The following CBLB variants were observed in gnomAD, a reference collection of about 807,000 sequenced individuals.
The protein encoded by CBLB is E3 ubiquitin-protein ligase CBL-B.
CBLB carries 31 observed loss-of-function variants against 104.9 expected under a neutral mutation model. The ratio of observed to expected loss-of-function variants is 0.30; its 90% CI spans 0.22 to 0.40. The LOEUF is 0.40. Ranked by LOEUF, CBLB falls within the 10% of genes least tolerant of loss-of-function variation. CBLB has a pLI of 1.00. For synonymous variants in CBLB, 440 were observed against 422.6 expected (o/e 1.04, Z -0.51); for missense variants, 1,062 against 1,214.6 (o/e 0.87, Z 1.87).
intron 3 of CBLB, among the ~76,000 whole-genome samples, chr3:105,817,103 G>A (rs759313544): frequency 2.2e-4 from 34 of 152,150 alleles, no homozygotes; most frequent in Non-Finnish European, 3.4e-4. Flanking sequence ...AGACAAGTCC[G>A]TAGTAGTGAG....
intron 3 of CBLB, among the ~76,000 whole-genome samples, chr3:105,821,453 A>G (rs955009423): frequency 3.3e-5 from 5 of 152,166 alleles, no homozygotes; most frequent in Non-Finnish European, 7.3e-5. Flanking sequence ...AGCCCATCAC[A>G]CAAACCAGTC....
intron 2 of CBLB, among the ~76,000 whole-genome samples, chr3:105,855,419 G>A (rs745370070): frequency 5.9e-5 from 9 of 152,184 alleles, no homozygotes; most frequent in Non-Finnish European, 1.3e-4. Context: ...TCTTACCACA[G>A]AAAGGTAATT....
At chr3:105,680,816 CT>C (rs1380398692) in intron 16 of CBLB, among the ~76,000 whole-genome samples, 1 of 152,132 alleles carries the variant, frequency 6.6e-6, no homozygotes, top group Admixed American at 6.5e-5. Flanking sequence ...GACATTCTGT[CT>C]TCTAAAAACA....
intron 4 of CBLB, among the ~76,000 whole-genome samples, chr3:105,770,397 A>C (rs1014381363): frequency 6.6e-6 from 1 of 152,206 alleles, no homozygotes; most frequent in African/African-American, 2.4e-5. Flanking sequence ...TAGCTGGAAC[A>C]GATTTAGGGA....
intron 13 of CBLB, 145 bp from the exon 14 acceptor site, chr3:105,685,611 A>G: frequency 1.4e-6 from 1 of 709,946 alleles, no homozygotes; most frequent in Non-Finnish European, 2.5e-6. Context: ...AGCTGTTCTT[A>G]TATCAAATAC....
At chr3:105,726,994 A>T (rs1487437565) in intron 9 of CBLB, among the ~76,000 whole-genome samples, 1 of 152,216 alleles carries the variant, frequency 6.6e-6, no homozygotes, top group African/African-American at 2.4e-5. Context: ...GCTCTTGTGA[A>T]CAGTGCTACA....
chr3:105,796,598 A>C (rs868685584), intron 3 of CBLB, among the ~76,000 whole-genome samples: 1 of 152,210 alleles, frequency 6.6e-6, no homozygotes, highest in Non-Finnish European at 1.5e-5. Flanking sequence ...AATGGGACTT[A>C]ATTAAAGAGC....
chr3:105,703,006 C>A (rs1400792658), intron 11 of CBLB, among the ~76,000 whole-genome samples: 1 of 152,110 alleles, frequency 6.6e-6, no homozygotes. Flanking sequence ...TAAAAGATCA[C>A]AAGTAACAGA....
At chr3:105,826,426 C>T (rs924570365) in intron 3 of CBLB, among the ~76,000 whole-genome samples, 5 of 152,196 alleles carry the variant, frequency 3.3e-5, no homozygotes, top group East Asian at 3.8e-4. Context: ...TCTTACTCCA[C>T]TCTCCAGTCT....
intron 13 of CBLB, among the ~76,000 whole-genome samples, chr3:105,687,829 G>A: frequency 6.6e-6 from 1 of 150,384 alleles, no homozygotes; most frequent in Non-Finnish European, 1.5e-5. Context: ...AAAAAAAACT[G>A]GTTTCTATCA....
At chr3:105,848,583 G>A in intron 3 of CBLB, among the ~76,000 whole-genome samples, 1 of 152,134 alleles carries the variant, frequency 6.6e-6, no homozygotes, top group Non-Finnish European at 1.5e-5. Context: ...CCCCTTAAAT[G>A]TATAACAATC....
At chr3:105,800,233 A>G (rs1355853804) in intron 3 of CBLB, among the ~76,000 whole-genome samples, 1 of 152,186 alleles carries the variant, frequency 6.6e-6, no homozygotes. Flanking sequence ...TGTGCAGACC[A>G]GTATCCCAGA....
chr3:105,847,832 A>G (rs58340800), intron 3 of CBLB, among the ~76,000 whole-genome samples: 32,625 of 152,070 alleles, frequency 0.21, 3,695 homozygotes, highest in East Asian at 0.42. Context: ...TGGTTAACTG[A>G]TGAAACTGCC....
chr3:105,743,386 G>A (rs2075794850), intron 6 of CBLB, among the ~76,000 whole-genome samples: 1 of 151,672 alleles, frequency 6.6e-6, no homozygotes, highest in African/African-American at 2.4e-5. Context: ...TTTGAACCCA[G>A]GAGGTGGAGC....
At position 105,793,447 on chromosome 3, in the gene CBLB, G is replaced by C. The variant is rs186050986; in HGVS notation, c.420-16905C>G. On this transcript the variant is annotated intron_variant, in intron 3 of 18. Transcript: ENST00000394030. ...GAAGGTGTTCCTTCCATAAACCTCT[G>C]GTTTCCAGATGCTTTAAGAGATGCT... Among the ~76,000 whole-genome samples, 3 of 145,086 alleles carry C rather than the reference G, an allele frequency of 2.1e-5. No homozygotes were observed. The East Asian group carries it at 6.2e-4, about 30-fold the overall frequency.
intron 3 of CBLB, among the ~76,000 whole-genome samples, chr3:105,794,586 A>G (rs572497592): frequency 1.1e-4 from 17 of 152,190 alleles, no homozygotes; most frequent in Non-Finnish European, 2.1e-4. Flanking sequence ...CAATGTCACA[A>G]ACCAACTAGG....
chr3:105,672,654 A>G (rs557344387), intron 17 of CBLB: 1 of 152,572 alleles, frequency 6.6e-6, no homozygotes, highest in East Asian at 1.9e-4. Context: ...TATCACTTAT[A>G]TAAGTGTTTG....
chr3:105,705,232 T>G (rs773482427), intron 10 of CBLB, among the ~76,000 whole-genome samples: 90 of 152,252 alleles, frequency 5.9e-4, no homozygotes, highest in Non-Finnish European at 1.2e-3. Context: ...CAATTTAATA[T>G]GAACTCAGCA....
intron 2 of CBLB, among the ~76,000 whole-genome samples, chr3:105,855,961 C>T (rs2091549739): frequency 6.6e-6 from 1 of 152,094 alleles, no homozygotes; most frequent in Admixed American, 6.6e-5. Flanking sequence ...GACAAATAAA[C>T]AATCGAACTA....
Sources: allele counts gnomAD v4.1 joint callset (sites outside exome capture counted in the v4.1 genomes callset), GRCh38; gene constraint gnomAD v4.1.1; transcripts MANE v1.5; gene names NCBI Gene and HGNC (gene_info 2026-07-23, HGNC 2026-07-21).